Variants in DESI2 observed in about 807,000 individuals in gnomAD.
DESI2 encodes the protein desumoylating isopeptidase 2.
Under a neutral mutation model 24.1 loss-of-function variants are expected in DESI2, and 10 were observed. The observed-to-expected ratio is 0.41, with a 90% CI of 0.26 to 0.70. The LOEUF (loss-of-function observed/expected upper bound fraction) is 0.70. Ranked by LOEUF, DESI2 falls within the 30% of genes least tolerant of loss-of-function variation. The pLI, the probability that DESI2 is intolerant of heterozygous loss-of-function variation, is 0.29. For missense variants in DESI2, 122 were observed against 234.9 expected (o/e 0.52, Z 3.14); for synonymous variants, 71 against 87.7 (o/e 0.81, Z 1.06).
intron 3 of DESI2, 111 bp from the exon 4 acceptor site, chr1:244,691,768 C>T (rs1322643556): frequency 8.4e-6 from 7 of 830,518 alleles, no homozygotes; most frequent in East Asian, 3.0e-5. Context: ...TTTGTTATGT[C>T]GATCATAATA....
chr1:244,685,354 G>A (rs1194288875), intron 1 of DESI2, among the ~76,000 whole-genome samples: 1 of 152,008 alleles, frequency 6.6e-6, no homozygotes, highest in Non-Finnish European at 1.5e-5. Context: ...CTTTTAGTAA[G>A]TCATACTTTG....
intron 4 of DESI2, among the ~76,000 whole-genome samples, chr1:244,696,308 C>T (rs753094877): frequency 5.3e-5 from 8 of 152,176 alleles, no homozygotes; most frequent in Non-Finnish European, 1.0e-4. Flanking sequence ...GCTGGTCACC[C>T]TGAGATACAT....
chr1:244,689,764 C>G lies in DESI2; in HGVS notation c.209+422C>G, dbSNP rs1050045097. On this transcript the variant is annotated intron_variant, in intron 3 of 4. Transcript: ENST00000302550. The surrounding 1 kb of genome is among the most constrained non-coding windows in gnomAD (Gnocchi z 4.0). The stretch of plus-strand genomic sequence containing the variant: ...ACCTCAGGTGATCCACCTGCCTCGG[C>G]CTCCCAAAGTGCTGGGATTACAGGC... Among the ~76,000 whole-genome samples, 1 of 152,104 alleles carries G rather than the reference C, an allele frequency of 6.6e-6. No individual in the cohort carries two copies. The highest frequency in any genetic ancestry group is 1.5e-5 in the Non-Finnish European group (1 of 68,014).
chr1:244,683,315 C>CTTTT (rs1429991998), intron 1 of DESI2, among the ~76,000 whole-genome samples: 1 of 151,852 alleles, frequency 6.6e-6, no homozygotes, highest in African/African-American at 2.4e-5. Context: ...TATATTATTA[C>CTTTT]TTTTTTCTTT....
chr1:244,702,225 T>C (rs1229480566), intron 4 of DESI2, among the ~76,000 whole-genome samples: 2 of 152,184 alleles, frequency 1.3e-5, no homozygotes, highest in African/African-American at 2.4e-5. Flanking sequence ...TTTAAAAACA[T>C]TGGCTTGGCT....
At chr1:244,655,045 CT>C (rs1342833550) in intron 1 of DESI2, among the ~76,000 whole-genome samples, 1 of 152,136 alleles carries the variant, frequency 6.6e-6, no homozygotes, top group Non-Finnish European at 1.5e-5. Context: ...TAGTGGGCTT[CT>C]TTACACTTGA....
rs1438862253 is a variant in DESI2, at chr1:244,701,227, C to A, written c.352-4329C>A. Among the ~76,000 whole-genome samples, 6 of 61,222 alleles carry A rather than the reference C, an allele frequency of 9.8e-5. 1 individual carries two copies. Among genetic ancestry groups the A allele is most frequent in the South Asian group, 6.7e-4 (1 of 1,486 alleles). 40.2% of individuals were successfully genotyped at this position (61,222 alleles called of 152,430 possible). On this transcript the variant is annotated intron_variant, in intron 4 of 4. Transcript: ENST00000302550. ...CACCTTCCCCTCCACCCCCCCCCCC[C>A]CCCCCCCGCCCTTTTAACTGCTGAA...
intron 4 of DESI2, among the ~76,000 whole-genome samples, chr1:244,704,686 TCTCA>T (rs1677622547): frequency 6.6e-6 from 1 of 151,962 alleles, no homozygotes; most frequent in Non-Finnish European, 1.5e-5. Context: ...TGAGACGGAG[TCTCA>T]CTCTGTTGCC....
rs1446113750 is a variant in DESI2 at position 244,706,730 on chromosome 1, T to G, written c.*941T>G. ...TTCAGGCTACCTTTTATACTAAACC[T>G]TGAAAACTAGAATCTAATGTCTACC... On this transcript the variant is annotated 3_prime_UTR_variant, in exon 5 of 5. Transcript: ENST00000302550. 1.3e-5 allele frequency: 2 copies of G among 152,564 alleles called. No individual in the cohort carries two copies. Among genetic ancestry groups the G allele is most frequent in the Admixed American group, 6.5e-5 (1 of 15,280 alleles). 9.5% of individuals were successfully genotyped at this position (152,564 alleles called of 1,614,324 possible). A position where few individuals can be genotyped will look rare whatever the true frequency, so the allele number is the denominator to read the frequency against.
intron 4 of DESI2, 37 bp downstream of exon 4, chr1:244,692,057 A>G: frequency 2.0e-6 from 3 of 1,529,140 alleles, no homozygotes; most frequent in Non-Finnish European, 2.7e-6. Flanking sequence ...CTTCAAATAA[A>G]TATTTGCTAT....
chr1:244,667,816 G>A (rs544738289), intron 1 of DESI2, among the ~76,000 whole-genome samples: 1 of 152,346 alleles, frequency 6.6e-6, no homozygotes, highest in Admixed American at 6.5e-5. Flanking sequence ...CATTAGGATA[G>A]CAGAGAGAAG....
At chr1:244,665,814 T>C (rs567912195) in intron 1 of DESI2, among the ~76,000 whole-genome samples, 177 of 152,358 alleles carry the variant, frequency 1.2e-3, no homozygotes, top group African/African-American at 4.1e-3. Flanking sequence ...ATTTCAGATC[T>C]ATCAAGCCCC....
rs541559814 is a variant in DESI2 at position 244,660,170 on chromosome 1, T to TTTGTTG, written c.42+6830_42+6835dup. Among the ~76,000 whole-genome samples, 26 of 150,138 alleles carry TTTGTTG rather than the reference T, an allele frequency of 1.7e-4. No homozygotes were observed. In the East Asian group the frequency reaches 4.1e-3, roughly 24 times the overall value. On this transcript the variant is annotated intron_variant, in intron 1 of 4. Coordinates refer to ENST00000302550, the MANE Select transcript of DESI2 (RefSeq NM_016076.5). ...TGGATTTTTCTTTTTTTGTTGTTGT[T>TTTGTTG]TTGTTGTTGTTGTTGTTGTTTTGAG...
At position 244,683,558 on chromosome 1, in the gene DESI2, A is replaced by G. The variant is rs374048439; in HGVS notation, c.43-3039A>G. Among the ~76,000 whole-genome samples the G allele has an allele frequency of 1.1e-3, 171 of 152,146 alleles. 1 individual carries two copies. Among genetic ancestry groups the G allele is most frequent in the East Asian group, 5.2e-3 (27 of 5,170 alleles). ...GATCTCCTGACCTTGTGATCCGCCC[A>G]CCTCAGCCTCCCAAAGTGCTGGGAT... On this transcript the variant is annotated intron_variant, in intron 1 of 4. Coordinates refer to ENST00000302550, the MANE Select transcript of DESI2 (RefSeq NM_016076.5).
At chr1:244,677,933 GTAA>G (rs1372786297) in intron 1 of DESI2, among the ~76,000 whole-genome samples, 6 of 152,124 alleles carry the variant, frequency 3.9e-5, no homozygotes, top group African/African-American at 9.6e-5. Context: ...AAAAATAACA[GTAA>G]TAATGATGAT....
intron 1 of DESI2, among the ~76,000 whole-genome samples, chr1:244,674,482 A>G (rs538611698): frequency 6.6e-6 from 1 of 152,296 alleles, no homozygotes; most frequent in South Asian, 2.1e-4. Flanking sequence ...TCATCACCCT[A>G]GAGAGAAGCC....
chr1:244,702,263 C>T lies in DESI2; in HGVS notation c.352-3293C>T, dbSNP rs374025295. Among the ~76,000 whole-genome samples the T allele has an allele frequency of 1.1e-4, 16 of 152,276 alleles. No individual in the cohort carries two copies. The South Asian group carries it at 2.1e-3, about 20-fold the overall frequency. ...GCACGGTGGCTCACGCCTGTAATCC[C>T]GACACTTTGGGAGGCTGAGGCAGGC... On this transcript the variant is annotated intron_variant, in intron 4 of 4. Coordinates refer to ENST00000302550, the MANE Select transcript of DESI2 (RefSeq NM_016076.5).
intron 1 of DESI2, among the ~76,000 whole-genome samples, chr1:244,676,278 G>A (rs151025858): frequency 1.3e-5 from 2 of 151,876 alleles, no homozygotes; most frequent in East Asian, 1.9e-4. Flanking sequence ...GGGTTTCACC[G>A]TGCTAGCCAG....
At chr1:244,680,036 T>TTTTTA (rs1553403558) in intron 1 of DESI2, among the ~76,000 whole-genome samples, 1 of 142,418 alleles carries the variant, frequency 7.0e-6, no homozygotes, top group Non-Finnish European at 1.5e-5. Context: ...TTTTTTTTTT[T>TTTTTA]AAACAAAAAA....
Sources: gnomAD v4.1 joint callset for allele counts (sites outside exome capture counted in the v4.1 genomes callset) on GRCh38, gnomAD v4.1.1 for gene constraint, Gnocchi (gnomAD v3.1) non-coding constraint, MANE v1.5 for transcripts, NCBI Gene and HGNC (gene_info 2026-07-23, HGNC 2026-07-21) for gene names.